The following MINDY4 variants were observed in gnomAD, a reference collection of about 807,000 sequenced individuals.
MINDY4 encodes the protein probable ubiquitin carboxyl-terminal hydrolase MINDY-4.
A neutral mutation model predicts 87.0 loss-of-function variants in MINDY4; 68 were observed. The ratio of observed to expected loss-of-function variants is 0.78; its 90% CI spans 0.64 to 0.96. The LOEUF is 0.96. Ranked by LOEUF, MINDY4 falls within the 40% of genes least tolerant of loss-of-function variation. The pLI, the probability that MINDY4 is intolerant of heterozygous loss-of-function variation, is 0.00. For synonymous variants in MINDY4, 379 were observed against 363.2 expected, an observed-to-expected ratio of 1.04 and a Z score of -0.50; for missense variants, 919 against 928.2, an observed-to-expected ratio of 0.99 and a Z score of 0.13.
chr7:30,814,566 G>T (rs761185622), intron 5 of MINDY4, among the ~76,000 whole-genome samples: 1 of 152,174 alleles, frequency 6.6e-6, no homozygotes, highest in Non-Finnish European at 1.5e-5. Context: ...CAGGACTTTC[G>T]TGAGAATTAA....
intron 13 of MINDY4, among the ~76,000 whole-genome samples, chr7:30,862,376 G>A (rs770341491): frequency 6.6e-6 from 1 of 152,244 alleles, no homozygotes; most frequent in Non-Finnish European, 1.5e-5. Flanking sequence ...GAGTGCGCCC[G>A]TGAATAAGCC....
chr7:30,802,606 A>C (rs906424380), intron 5 of MINDY4, among the ~76,000 whole-genome samples: 1 of 152,192 alleles, frequency 6.6e-6, no homozygotes, highest in Non-Finnish European at 1.5e-5. Context: ...GGAGAATGGA[A>C]GGGAAAGTTA....
chr7:30,853,549 C>T, intron 12 of MINDY4, 90 bp downstream of exon 12: 1 of 1,160,100 alleles, frequency 8.6e-7, no homozygotes, highest in Non-Finnish European at 1.3e-6. Flanking sequence ...GAGTTGTTCT[C>T]CTGTCGTCCC....
chr7:30,774,437 T>A (rs954297710), intron 1 of MINDY4, among the ~76,000 whole-genome samples: 1 of 152,188 alleles, frequency 6.6e-6, no homozygotes, highest in African/African-American at 2.4e-5. Context: ...ACTAGGTTAC[T>A]CCTATCAGCA....
chr7:30,777,966 A>G (rs115761307), intron 1 of MINDY4, among the ~76,000 whole-genome samples: 2,095 of 152,274 alleles, frequency 0.014, 45 homozygotes, highest in African/African-American at 0.048. Context: ...AGAGCTTCTC[A>G]TGGGCCTGGG....
At chr7:30,848,152 G>A (rs1387047352) in intron 9 of MINDY4, among the ~76,000 whole-genome samples, 1 of 152,220 alleles carries the variant, frequency 6.6e-6, no homozygotes, top group Non-Finnish European at 1.5e-5. Context: ...TTCCAGATAT[G>A]GAGTTTTTCC....
At chr7:30,773,580 T>C (rs112106601) in intron 1 of MINDY4, among the ~76,000 whole-genome samples, 1,902 of 152,280 alleles carry the variant, frequency 0.012, 18 homozygotes, top group Middle Eastern at 0.058. Flanking sequence ...GATAGTCTCC[T>C]GGAGATGGCA....
chr7:30,860,885 C>G (rs144137725), intron 13 of MINDY4, among the ~76,000 whole-genome samples: 4 of 152,294 alleles, frequency 2.6e-5, no homozygotes, highest in African/African-American at 9.6e-5. Context: ...TGCTGCCCTG[C>G]TGGACCTTCA....
rs1031808930 is a variant in MINDY4 at position 30,892,288 on chromosome 7, C to T, written c.*283C>T. The T allele has an allele frequency of 3.2e-5, 14 of 442,840 alleles. No individual in the cohort carries two copies. The highest frequency in any genetic ancestry group is 5.3e-5 in the Non-Finnish European group (13 of 246,468). The allele number at this position is 442,840 out of a possible 1,614,324, so 27.4% of individuals were successfully genotyped here. A position where few individuals can be genotyped will look rare whatever the true frequency, so the allele number is the denominator to read the frequency against. On this transcript the variant is annotated 3_prime_UTR_variant, in exon 18 of 18. Transcript: ENST00000265299. Reference sequence around the variant, plus strand: ...TACCTTTGTCTGCATCCCTCCCTTGCTCCCTGCTGGGTGGTCCCTCACCCA... The same window carrying T: ...TACCTTTGTCTGCATCCCTCCCTTGTTCCCTGCTGGGTGGTCCCTCACCCA...
intron 9 of MINDY4, among the ~76,000 whole-genome samples, chr7:30,845,673 G>A (rs1478753103): frequency 6.6e-6 from 1 of 152,200 alleles, no homozygotes; most frequent in Non-Finnish European, 1.5e-5. Context: ...TGCGGGGTCT[G>A]CCTTGGCCCT....
At chr7:30,832,578 C>G (rs993310358) in intron 6 of MINDY4, among the ~76,000 whole-genome samples, 2 of 152,198 alleles carry the variant, frequency 1.3e-5, no homozygotes, top group Non-Finnish European at 2.9e-5. Context: ...TCTCAGCTTA[C>G]TGCACCCTCC....
chr7:30,857,070 A>AT (rs1789594913), intron 12 of MINDY4, among the ~76,000 whole-genome samples: 2 of 152,214 alleles, frequency 1.3e-5, no homozygotes, highest in East Asian at 3.8e-4. Context: ...ATTGTTGTTG[A>AT]TTCATTCATT....
intron 15 of MINDY4, among the ~76,000 whole-genome samples, chr7:30,875,899 G>T (rs1031163970): frequency 3.9e-5 from 6 of 152,182 alleles, no homozygotes; most frequent in Non-Finnish European, 8.8e-5. Context: ...GGACTTCGAG[G>T]GATTTCTGCC....
intron 17 of MINDY4, among the ~76,000 whole-genome samples, chr7:30,885,170 G>A (rs777508096): frequency 5.9e-5 from 9 of 152,230 alleles, no homozygotes; most frequent in Non-Finnish European, 1.2e-4. Flanking sequence ...TGTGGCTCAT[G>A]CTTGGGGAAA....
Position 30,782,148 on chromosome 7 carries a change from A to G in MINDY4, c.355A>G (p.Ile119Val). Reference sequence around the variant, plus strand: ...ATGCTCAGAGACTACACTGGTAAATATATATGACCTTTCAGATGAAGATGC... The same window carrying G: ...ATGCTCAGAGACTACACTGGTAAATGTATATGACCTTTCAGATGAAGATGC... ...SRCSETTLVN[I>V]YDLSDEDAGW... The change falls in exon 3 of 18, where the codon ATA becomes GTA. Residue 119 changes from isoleucine to valine, a missense_variant. Coordinates refer to ENST00000265299, the MANE Select transcript of MINDY4 (RefSeq NM_032222.3). 6.2e-7 allele frequency: 1 copy of G among 1,614,132 alleles called. No individual in the cohort carries two copies. The highest frequency in any genetic ancestry group is 8.5e-7 in the Non-Finnish European group (1 of 1,180,028).
intron 15 of MINDY4, among the ~76,000 whole-genome samples, chr7:30,880,616 GT>G (rs1237384980): frequency 7.2e-5 from 11 of 152,104 alleles, no homozygotes; most frequent in Non-Finnish European, 1.6e-4. Context: ...AGGGTTCCCT[GT>G]TCCTGGCGAT....
In MINDY4 at chr7:30,838,474, G is replaced by T. The variant is rs148439278; in HGVS notation, c.1240-726G>T. On this transcript the variant is annotated intron_variant, in intron 7 of 17. Coordinates refer to ENST00000265299, the MANE Select transcript of MINDY4 (RefSeq NM_032222.3). ...GAGTTGGCAGGTGTTTTCTGTAAAG[G>T]GCTCAATAGTGTATTTTTGGCTTTG... Among the ~76,000 whole-genome samples, 505 of 152,230 alleles carry T rather than the reference G, an allele frequency of 3.3e-3. 4 individuals are homozygous for T. The highest frequency in any genetic ancestry group is 0.011 in the African/African-American group (474 of 41,542).
rs1452923046 is a variant in MINDY4, at chr7:30,786,005, C to T, written c.663+13C>T. ...CAGCTCCCCACAGGTGGGGCTGTTG[C>T]TCTTTCTGTTGTTATGGGACTGGAG... On this transcript the variant is annotated intron_variant, in intron 4 of 17. Coordinates refer to ENST00000265299, the MANE Select transcript of MINDY4 (RefSeq NM_032222.3). The T allele has an allele frequency of 6.2e-7, 1 of 1,613,338 alleles. No individual in the cohort carries two copies. The highest frequency in any genetic ancestry group is 1.1e-5 in the South Asian group (1 of 91,022).
chr7:30,862,707 G>A (rs1789803527), intron 13 of MINDY4, among the ~76,000 whole-genome samples: 1 of 152,198 alleles, frequency 6.6e-6, no homozygotes. Flanking sequence ...GAGGTGGCAA[G>A]TCACAGGAAA....
Sources: allele counts gnomAD v4.1 joint callset (sites outside exome capture counted in the v4.1 genomes callset), GRCh38; gene constraint gnomAD v4.1.1; transcripts MANE v1.5; gene names NCBI Gene and HGNC (gene_info 2026-07-23, HGNC 2026-07-21).